Variants in MYO6 observed in about 807,000 individuals in gnomAD.
The protein encoded by MYO6 is myosin VI.
MYO6 carries 74 observed loss-of-function variants against 178.7 expected under a neutral mutation model. That is an observed-to-expected ratio of 0.41 (90% CI 0.34 to 0.50). The LOEUF (loss-of-function observed/expected upper bound fraction) is 0.50, where lower values mean the gene tolerates loss of function less well. Ranked by LOEUF, MYO6 falls within the 20% of genes least tolerant of loss-of-function variation. The pLI, the probability that MYO6 is intolerant of heterozygous loss-of-function variation, is 0.09. For synonymous variants in MYO6, 477 were observed against 504.6 expected (o/e 0.95, Z 0.73); for missense variants, 1,330 against 1,547.4 (o/e 0.86, Z 2.36).
In MYO6 at chr6:75,916,776, T is replaced by G. The variant is rs1053137401; in HGVS notation, c.*1764T>G. The G allele has an allele frequency of 1.3e-5, 2 of 152,172 alleles. No individual in the cohort carries two copies. The highest frequency in any genetic ancestry group is 2.9e-5 in the Non-Finnish European group (2 of 68,036). The allele number at this position is 152,172 out of a possible 1,614,324, so 9.4% of individuals were successfully genotyped here. A position where few individuals can be genotyped will look rare whatever the true frequency, so the allele number is the denominator to read the frequency against. On this transcript the variant is annotated 3_prime_UTR_variant, in exon 35 of 35. Transcript: ENST00000369977. ...TAGTTTTGTGTATCTTTTAGATACA[T>G]TAATAGGCACTAGATGGAAAATTAA...
chr6:75,883,893 A>C (rs1052560562), intron 23 of MYO6, among the ~76,000 whole-genome samples: 4 of 152,212 alleles, frequency 2.6e-5, no homozygotes, highest in Admixed American at 1.3e-4. Flanking sequence ...AAAAAGAATC[A>C]TGCTAACAAA....
intron 30 of MYO6, among the ~76,000 whole-genome samples, chr6:75,905,792 T>G (rs1419145446): frequency 6.6e-6 from 1 of 152,264 alleles, no homozygotes; most frequent in African/African-American, 2.4e-5. Context: ...AATCACTATG[T>G]CAAAGAATTT....
intron 1 of MYO6, 25 bp from the exon 2 acceptor site, chr6:75,817,476 T>C (rs1771393194): frequency 2.7e-6 from 3 of 1,110,328 alleles, no homozygotes; most frequent in Non-Finnish European, 4.2e-6. Context: ...TGATTCATGT[T>C]GCTGTATTTG....
rs201287107 is a variant in MYO6, at chr6:75,857,274, T to G, written c.1381+20T>G. 1 of 1,605,882 alleles carries G rather than the reference T, an allele frequency of 6.2e-7. No individual in the cohort carries two copies. Among genetic ancestry groups the G allele is most frequent in the African/African-American group, 1.3e-5 (1 of 74,864 alleles). On this transcript the variant is annotated intron_variant, in intron 13 of 34. Transcript: ENST00000369977. ...GTTTTGGTAAGTAGAGTTTCTTTTGTGAGTATATATTTGTTTCATATTTTT... is the reference window on the plus strand; with the variant it reads ...GTTTTGGTAAGTAGAGTTTCTTTTGGGAGTATATATTTGTTTCATATTTTT...
chr6:75,844,562 T>G (rs1774545892), intron 9 of MYO6, among the ~76,000 whole-genome samples: 1 of 152,128 alleles, frequency 6.6e-6, no homozygotes, highest in African/African-American at 2.4e-5. Flanking sequence ...AGGAAGGTGA[T>G]TTTCATGATT....
At chr6:75,757,972 C>CAT (rs1777607535) in intron 1 of MYO6, among the ~76,000 whole-genome samples, 1 of 74,298 alleles carries the variant, frequency 1.3e-5, no homozygotes, top group Non-Finnish European at 2.3e-5. Flanking sequence ...TTGAAGTTGG[C>CAT]TTTTTTTTTT....
At chr6:75,786,404 T>TTG (rs1331703257) in intron 1 of MYO6, among the ~76,000 whole-genome samples, 1 of 152,248 alleles carries the variant, frequency 6.6e-6, no homozygotes, top group Non-Finnish European at 1.5e-5. Context: ...TAGAATAAGC[T>TTG]TGTCAAGTTC....
intron 25 of MYO6, 124 bp from the exon 26 acceptor site, chr6:75,889,930 CAAT>C (rs1467772173): frequency 2.1e-5 from 13 of 618,876 alleles, no homozygotes; most frequent in Middle Eastern, 9.6e-4. Flanking sequence ...TTGTAAAAAA[CAAT>C]AAAAACATTA....
chr6:75,801,344 G>A (rs13205048), intron 1 of MYO6, among the ~76,000 whole-genome samples: 2 of 151,826 alleles, frequency 1.3e-5, no homozygotes, highest in African/African-American at 2.4e-5. Context: ...AGAGGAGGAG[G>A]AGGGAGGAGA....
chr6:75,894,489 C>A (rs574086834), intron 28 of MYO6, among the ~76,000 whole-genome samples: 1 of 152,190 alleles, frequency 6.6e-6, no homozygotes, highest in African/African-American at 2.4e-5. Context: ...ACCCTCAGGT[C>A]CTCATGAGCT....
At chr6:75,898,626 C>T (rs1164277398) in intron 30 of MYO6, among the ~76,000 whole-genome samples, 1 of 152,062 alleles carries the variant, frequency 6.6e-6, no homozygotes, top group Non-Finnish European at 1.5e-5. Context: ...ATGGGGATAC[C>T]ATTGGCATTT....
rs1399684262 is a variant in MYO6 at position 75,915,068 on chromosome 6, GT to G, written c.*57del. 1.0e-5 allele frequency: 15 copies of G among 1,496,762 alleles called. No homozygotes were observed. The Admixed American group carries it at 2.6e-4, about 26-fold the overall frequency. 92.7% of individuals were successfully genotyped at this position (1,496,762 alleles called of 1,614,324 possible). On this transcript the variant is annotated 3_prime_UTR_variant, in exon 35 of 35. Transcript: ENST00000369977. ...CTTTGCCATGGTACTTAGGTAGGGT[GT>G]GTGCCCCCAGATTTAACCATTCCAT...
chr6:75,784,649 C>T lies in MYO6; in HGVS notation c.-47-32852C>T, dbSNP rs574086659. Among the ~76,000 whole-genome samples, 17 of 151,682 alleles carry T rather than the reference C, an allele frequency of 1.1e-4. 1 individual carries two copies. The highest frequency in any genetic ancestry group is 3.1e-4 in the African/African-American group (13 of 41,384). On this transcript the variant is annotated intron_variant, in intron 1 of 34. Transcript: ENST00000369977. Reference sequence around the variant, plus strand: ...AAAATTAGCTGGGTGTGGTGGCGGGCGCCTGTAGTCCCAGTTACTTGGGAG... The same window carrying T: ...AAAATTAGCTGGGTGTGGTGGCGGGTGCCTGTAGTCCCAGTTACTTGGGAG...
intron 10 of MYO6, 85 bp downstream of exon 10, chr6:75,845,062 C>A: frequency 9.2e-7 from 1 of 1,089,476 alleles, no homozygotes; most frequent in Non-Finnish European, 1.4e-6. Context: ...TTTTAGAGCC[C>A]AAGTAAGAGT....
At chr6:75,889,950 A>G (rs2149367207) in intron 25 of MYO6, 107 bp from the exon 26 acceptor site, 1 of 867,420 alleles carries the variant, frequency 1.2e-6, no homozygotes, top group Non-Finnish European at 1.9e-6. Context: ...ATTAAAATTT[A>G]TCTTAGCCAT....
intron 1 of MYO6, among the ~76,000 whole-genome samples, chr6:75,774,325 G>T (rs1412664821): frequency 6.6e-6 from 1 of 152,040 alleles, no homozygotes; most frequent in Non-Finnish European, 1.5e-5. Context: ...TAGGATTAAT[G>T]ATTTTTATTA....
intron 5 of MYO6, among the ~76,000 whole-genome samples, chr6:75,831,785 G>A (rs1367329699): frequency 1.3e-5 from 2 of 151,766 alleles, no homozygotes; most frequent in Non-Finnish European, 1.5e-5. Context: ...AGCTACTCTG[G>A]AGGCAGTGGT....
intron 1 of MYO6, among the ~76,000 whole-genome samples, chr6:75,772,978 T>A (rs1173202395): frequency 6.6e-6 from 1 of 152,196 alleles, no homozygotes; most frequent in East Asian, 1.9e-4. Context: ...TTCTGTGAGG[T>A]AGGAAAGTGA....
At chr6:75,754,235 C>T (rs1777143960) in intron 1 of MYO6, among the ~76,000 whole-genome samples, 1 of 152,000 alleles carries the variant, frequency 6.6e-6, no homozygotes, top group East Asian at 1.9e-4. Context: ...TTGAAAATAA[C>T]CTGGCTGGGG....
Sources: allele counts gnomAD v4.1 joint callset (sites outside exome capture counted in the v4.1 genomes callset), GRCh38; gene constraint gnomAD v4.1.1; transcripts MANE v1.5; gene names NCBI Gene and HGNC (gene_info 2026-07-23, HGNC 2026-07-21).